The following ADAMTSL1 variants were observed in gnomAD, a reference collection of about 807,000 sequenced individuals.
The protein encoded by ADAMTSL1 is ADAMTS-like protein 1.
In ADAMTSL1, 126 loss-of-function variants were observed where a neutral mutation model predicts 201.8. The observed-to-expected ratio is 0.62, with a 90% CI of 0.54 to 0.72. The LOEUF is 0.72. Ranked by LOEUF, ADAMTSL1 falls within the 30% of genes least tolerant of loss-of-function variation. The pLI, the probability that ADAMTSL1 is intolerant of heterozygous loss-of-function variation, is 0.00. For missense variants in ADAMTSL1, 2,679 were observed against 2,277.8 expected (o/e 1.18, Z -3.59); for synonymous variants, 1,121 against 903.4 (o/e 1.24, Z -4.32).
chr9:18,304,933 A>ATTTTAT (rs1381644568), intron 2 of ADAMTSL1, among the ~76,000 whole-genome samples: 1 of 150,488 alleles, frequency 6.6e-6, no homozygotes, highest in African/African-American at 2.4e-5. Flanking sequence ...CTGAATAGGA[A>ATTTTAT]CAGCTCCGAT....
At chr9:18,821,283 C>A (rs917604320) in intron 21 of ADAMTSL1, among the ~76,000 whole-genome samples, 1 of 152,234 alleles carries the variant, frequency 6.6e-6, no homozygotes, top group African/African-American at 2.4e-5. Flanking sequence ...AAAGAGTACA[C>A]CTGGTCATCT....
chr9:18,465,377 C>G (rs1232547006), intron 2 of ADAMTSL1, among the ~76,000 whole-genome samples: 4 of 152,184 alleles, frequency 2.6e-5, no homozygotes, highest in Admixed American at 2.6e-4. Flanking sequence ...GTGGGCAATA[C>G]AGAAGCATTG....
chr9:17,944,468 A>C (rs1827372894), intron 1 of ADAMTSL1, among the ~76,000 whole-genome samples: 1 of 152,174 alleles, frequency 6.6e-6, no homozygotes, highest in South Asian at 2.1e-4. Context: ...AAACTACTTT[A>C]AAGTTCATAT....
chr9:18,790,095 A>C (rs898111846), intron 19 of ADAMTSL1, among the ~76,000 whole-genome samples: 3 of 151,630 alleles, frequency 2.0e-5, no homozygotes, highest in Non-Finnish European at 4.4e-5. Flanking sequence ...GTGTACCATC[A>C]AAAAAAAATC....
chr9:18,175,965 T>C (rs1828128465), intron 2 of ADAMTSL1, among the ~76,000 whole-genome samples: 1 of 140,194 alleles, frequency 7.1e-6, no homozygotes, highest in Admixed American at 7.6e-5. Flanking sequence ...TATTGAGATT[T>C]CAGAGGGTAG....
At chr9:18,112,428 G>T (rs1256414999) in intron 1 of ADAMTSL1, among the ~76,000 whole-genome samples, 1 of 151,828 alleles carries the variant, frequency 6.6e-6, no homozygotes, top group African/African-American at 2.4e-5. Context: ...GATTTCGAGG[G>T]GCTGAGACTC....
chr9:18,507,969 G>A (rs1274388971), intron 2 of ADAMTSL1, among the ~76,000 whole-genome samples: 4 of 152,100 alleles, frequency 2.6e-5, no homozygotes, highest in Non-Finnish European at 5.9e-5. Flanking sequence ...TGGATCACCT[G>A]AGGTCAAGAG....
rs140153206 is a variant in ADAMTSL1, at chr9:18,590,749, T to C, written c.474+16483T>C. Among the ~76,000 whole-genome samples, 730 of 152,246 alleles carry C rather than the reference T, an allele frequency of 4.8e-3. 3 individuals are homozygous for C. Among genetic ancestry groups the C allele is most frequent in the Non-Finnish European group, 8.8e-3 (599 of 67,956 alleles). ...CATGTTTCTCAAGAATTTTTAAAAA[T>C]TCCTTCTTTATGTATTGACTCAGTA... On this transcript the variant is annotated intron_variant, in intron 4 of 28. Transcript: ENST00000380548.
intron 23 of ADAMTSL1, among the ~76,000 whole-genome samples, chr9:18,874,784 C>CTGAT (rs1312262514): frequency 1.3e-5 from 2 of 152,016 alleles, no homozygotes; most frequent in Non-Finnish European, 2.9e-5. Context: ...GCTTCATAGA[C>CTGAT]TGATTTAGGG....
At chr9:17,959,186 C>T (rs907579004) in intron 1 of ADAMTSL1, among the ~76,000 whole-genome samples, 1 of 152,116 alleles carries the variant, frequency 6.6e-6, no homozygotes. Context: ...AGACGGCAAA[C>T]TAAAAGTTAA....
At chr9:18,201,913 A>G (rs1829463990) in intron 2 of ADAMTSL1, among the ~76,000 whole-genome samples, 1 of 152,140 alleles carries the variant, frequency 6.6e-6, no homozygotes, top group Non-Finnish European at 1.5e-5. Context: ...ACTTAGAAAT[A>G]CCTGTGTAAT....
chr9:18,534,392 A>G (rs1819628559), intron 3 of ADAMTSL1, among the ~76,000 whole-genome samples: 1 of 152,160 alleles, frequency 6.6e-6, no homozygotes, highest in East Asian at 1.9e-4. Flanking sequence ...GAAGGAGGAG[A>G]ACTTAAACCC....
intron 2 of ADAMTSL1, among the ~76,000 whole-genome samples, chr9:18,436,716 C>A (rs369946550): frequency 1.8e-4 from 28 of 152,264 alleles, no homozygotes; most frequent in African/African-American, 6.7e-4. Flanking sequence ...CTGATTCCCC[C>A]CTCCTCCTGG....
At chr9:18,252,771 T>C (rs1831516307) in intron 2 of ADAMTSL1, among the ~76,000 whole-genome samples, 1 of 152,180 alleles carries the variant, frequency 6.6e-6, no homozygotes, top group Non-Finnish European at 1.5e-5. Context: ...TGTTAGGAAA[T>C]GAGCATCTTA....
At chr9:18,302,047 C>G (rs765734199) in intron 2 of ADAMTSL1, among the ~76,000 whole-genome samples, 2 of 152,106 alleles carry the variant, frequency 1.3e-5, no homozygotes, top group African/African-American at 2.4e-5. Context: ...TAGTCAAAAC[C>G]ATGTCATCTT....
intron 1 of ADAMTSL1, among the ~76,000 whole-genome samples, chr9:17,916,684 C>G (rs1311671577): frequency 6.6e-6 from 1 of 152,242 alleles, no homozygotes; most frequent in Non-Finnish European, 1.5e-5. Flanking sequence ...TATTGCTATG[C>G]TAGTAGCACA....
intron 1 of ADAMTSL1, among the ~76,000 whole-genome samples, chr9:18,116,928 CTA>C (rs1322392732): frequency 6.6e-6 from 1 of 152,162 alleles, no homozygotes; most frequent in African/African-American, 2.4e-5. Context: ...TCTACAATGA[CTA>C]TCTTTCTACC....
intron 23 of ADAMTSL1, among the ~76,000 whole-genome samples, chr9:18,850,529 A>G (rs1257184283): frequency 6.6e-6 from 1 of 152,180 alleles, no homozygotes; most frequent in Non-Finnish European, 1.5e-5. Flanking sequence ...GGCAGACCCT[A>G]CTGCCTTGGT....
At chr9:18,146,408 C>T (rs1290532680) in intron 1 of ADAMTSL1, among the ~76,000 whole-genome samples, 1 of 152,026 alleles carries the variant, frequency 6.6e-6, no homozygotes, top group Admixed American at 6.5e-5. Context: ...AGCTATCAAG[C>T]CATGCAAAGG....
Sources: allele counts gnomAD v4.1 joint callset (sites outside exome capture counted in the v4.1 genomes callset), GRCh38; gene constraint gnomAD v4.1.1; transcripts MANE v1.5; gene names NCBI Gene and HGNC (gene_info 2026-07-23, HGNC 2026-07-21).